The following MBD2 variants were observed in gnomAD, a reference collection of about 807,000 sequenced individuals.
MBD2 encodes the protein methyl-CpG binding domain protein 2, also known as methyl-CpG-binding domain protein 2.
In MBD2, 9 loss-of-function variants were observed where a neutral mutation model predicts 39.3. The ratio of observed to expected loss-of-function variants is 0.23; its 90% CI spans 0.14 to 0.40. The LOEUF (loss-of-function observed/expected upper bound fraction) is 0.40. MBD2 is among the 10% of genes least tolerant of loss of function. The pLI is 1.00. For synonymous variants in MBD2, 233 were observed against 211.1 expected (o/e 1.10, Z -0.90); for missense variants, 458 against 532.6 (o/e 0.86, Z 1.38).
At chr18:54,167,464 T>C (rs1007396616) in intron 3 of MBD2, among the ~76,000 whole-genome samples, 5 of 152,222 alleles carry the variant, frequency 3.3e-5, no homozygotes, top group Admixed American at 6.5e-5. Flanking sequence ...GGGAGTTAAA[T>C]AAGGCAATAT....
intron 3 of MBD2, among the ~76,000 whole-genome samples, chr18:54,187,309 T>A (rs1210188206): frequency 6.6e-6 from 1 of 152,224 alleles, no homozygotes; most frequent in Non-Finnish European, 1.5e-5. Context: ...AAGATTACAT[T>A]CCACCTTCTT....
chr18:54,205,947 AAC>A (rs1230954152), intron 1 of MBD2, among the ~76,000 whole-genome samples: 4 of 147,514 alleles, frequency 2.7e-5, no homozygotes, highest in Admixed American at 2.7e-4. Context: ...CCTTGTTTAA[AAC>A]ACACACATAC....
intron 2 of MBD2, among the ~76,000 whole-genome samples, chr18:54,198,710 A>C (rs1209379695): frequency 6.6e-6 from 1 of 152,228 alleles, no homozygotes; most frequent in Non-Finnish European, 1.5e-5. Context: ...GACCGTCTCA[A>C]CAATAAAATG....
chr18:54,189,516 C>T (rs2086306127), intron 2 of MBD2, among the ~76,000 whole-genome samples: 1 of 152,142 alleles, frequency 6.6e-6, no homozygotes, highest in Admixed American at 6.5e-5. Flanking sequence ...GCCACCGCGC[C>T]CGGCCAGCTT....
intron 1 of MBD2, among the ~76,000 whole-genome samples, chr18:54,211,642 T>G (rs916499294): frequency 2.6e-5 from 4 of 152,126 alleles, no homozygotes; most frequent in African/African-American, 7.2e-5. Context: ...TCCTTTCCAT[T>G]GCCACTGCCC....
chr18:54,175,097 C>A (rs77759359), intron 3 of MBD2, among the ~76,000 whole-genome samples: 1 of 152,308 alleles, frequency 6.6e-6, no homozygotes, highest in East Asian at 1.9e-4. Context: ...TATTTTAGCT[C>A]TCATGTATTG....
At chr18:54,223,955 C>A (rs1043611330) in intron 1 of MBD2, 63 bp downstream of exon 1, 4 of 1,420,218 alleles carry the variant, frequency 2.8e-6, no homozygotes, top group Middle Eastern at 2.3e-4. Flanking sequence ...TCTGCCCAGG[C>A]CCGCTCTTGA....
At chr18:54,168,599 T>TATATATATATATATATATATATATATA (rs2086154505) in intron 3 of MBD2, among the ~76,000 whole-genome samples, 1 of 104,522 alleles carries the variant, frequency 9.6e-6, no homozygotes, top group Non-Finnish European at 1.9e-5. Context: ...ATATATATAT[T>TATATATATATATATATATATATATATA]TATGTATGCA....
intron 2 of MBD2, among the ~76,000 whole-genome samples, chr18:54,193,829 T>G (rs1290127742): frequency 6.6e-6 from 1 of 152,114 alleles, no homozygotes; most frequent in Non-Finnish European, 1.5e-5. Flanking sequence ...ACAAAAAATG[T>G]CCAGGTATTA....
intron 1 of MBD2, among the ~76,000 whole-genome samples, chr18:54,217,663 C>T (rs115999076): frequency 6.6e-6 from 1 of 152,138 alleles, no homozygotes; most frequent in Non-Finnish European, 1.5e-5. Context: ...CTTCCTTTAA[C>T]ATTCCATTAA....
intron 3 of MBD2, among the ~76,000 whole-genome samples, chr18:54,174,122 G>A (rs1033245164): frequency 1.3e-5 from 2 of 152,268 alleles, no homozygotes; most frequent in Admixed American, 1.3e-4. Flanking sequence ...TTGACATTTG[G>A]GGGTAGATGA....
At chr18:54,196,651 T>G (rs1053333483) in intron 2 of MBD2, among the ~76,000 whole-genome samples, 1 of 152,156 alleles carries the variant, frequency 6.6e-6, no homozygotes, top group African/African-American at 2.4e-5. Context: ...CCTATAAAAG[T>G]TCTGTTAACA....
At chr18:54,161,857 T>C (rs1320841987) in intron 5 of MBD2, among the ~76,000 whole-genome samples, 1 of 111,010 alleles carries the variant, frequency 9.0e-6, no homozygotes. Flanking sequence ...AGGTTACCAA[T>C]CAACTGATTT....
intron 3 of MBD2, among the ~76,000 whole-genome samples, chr18:54,169,088 C>A (rs948697983): frequency 1.8e-4 from 28 of 152,144 alleles, no homozygotes; most frequent in Non-Finnish European, 3.5e-4. Flanking sequence ...GGGAAGGTTG[C>A]CCCAGATTGG....
At chr18:54,209,678 A>T (rs1202186130) in intron 1 of MBD2, among the ~76,000 whole-genome samples, 1 of 152,222 alleles carries the variant, frequency 6.6e-6, no homozygotes, top group African/African-American at 2.4e-5. Context: ...TTTACTCTTC[A>T]GGAGGTGAAA....
intron 3 of MBD2, among the ~76,000 whole-genome samples, chr18:54,168,558 T>A (rs2086153121): frequency 7.1e-6 from 1 of 141,574 alleles, no homozygotes; most frequent in Non-Finnish European, 1.5e-5. Context: ...TGTTATGCCA[T>A]GAAAATGGAG....
At chr18:54,184,217 C>A (rs182808625) in intron 3 of MBD2, among the ~76,000 whole-genome samples, 6 of 152,190 alleles carry the variant, frequency 3.9e-5, no homozygotes, top group Admixed American at 2.6e-4. Flanking sequence ...CGGTCTGTGG[C>A]CTGTTGGGAG....
At chr18:54,203,674 T>C (rs75071735) in intron 2 of MBD2, among the ~76,000 whole-genome samples, 131 of 152,240 alleles carry the variant, frequency 8.6e-4, no homozygotes, top group Non-Finnish European at 1.6e-3. Flanking sequence ...ACTGCACAAA[T>C]TGAGTGAAGC....
At chr18:54,168,942 C>T (rs900710415) in intron 3 of MBD2, among the ~76,000 whole-genome samples, 5 of 151,780 alleles carry the variant, frequency 3.3e-5, no homozygotes, top group South Asian at 2.1e-4. Context: ...GGGCGGGGGA[C>T]GAGGGCAAGG....
Sources: allele counts gnomAD v4.1 joint callset (sites outside exome capture counted in the v4.1 genomes callset), GRCh38; gene constraint gnomAD v4.1.1; transcripts MANE v1.5; gene names NCBI Gene and HGNC (gene_info 2026-07-23, HGNC 2026-07-21).